RNGTT: variants seen among roughly 807,000 people sequenced by gnomAD.
The protein encoded by RNGTT is mRNA-capping enzyme.
Under a neutral mutation model 79.3 loss-of-function variants are expected in RNGTT, and 33 were observed. The ratio of observed to expected loss-of-function variants is 0.42; its 90% CI spans 0.32 to 0.56. The LOEUF is 0.56. Among genes scored for constraint, RNGTT ranks in the 20% least tolerant of loss-of-function variants. The pLI is 0.17. For missense variants in RNGTT, 497 were observed against 739.1 expected, an observed-to-expected ratio of 0.67 and a Z score of 3.80; for synonymous variants, 222 against 235.9, an observed-to-expected ratio of 0.94 and a Z score of 0.54.
chr6:88,949,158 T>TAAAAAAAAAAAAAAAAAAAAAAAAA (rs1491197999), intron 1 of RNGTT, among the ~76,000 whole-genome samples: 1 of 18,008 alleles, frequency 5.6e-5, no homozygotes, highest in Non-Finnish European at 1.1e-4. Context: ...TAAAATAAAA[T>TAAAAAAAAAAAAAAAAAAAAAAAAA]GAAAAAAAAA....
intron 13 of RNGTT, among the ~76,000 whole-genome samples, chr6:88,748,399 G>T (rs916632414): frequency 6.6e-6 from 1 of 151,966 alleles, no homozygotes. Flanking sequence ...TCCATCTGGT[G>T]CTTCTCCCTC....
chr6:88,617,020 C>T (rs182523355), intron 14 of RNGTT, among the ~76,000 whole-genome samples: 9 of 152,342 alleles, frequency 5.9e-5, no homozygotes, highest in Non-Finnish European at 1.3e-4. Context: ...CGCCTGTAAT[C>T]CCAGCACTTT....
intron 14 of RNGTT, among the ~76,000 whole-genome samples, chr6:88,646,271 T>C (rs1174146345): frequency 1.1e-4 from 17 of 152,120 alleles, no homozygotes; most frequent in Admixed American, 1.1e-3. Context: ...ATCAGAGAAA[T>C]GCAAATCAAA....
At chr6:88,695,050 A>C (rs1435784985) in intron 13 of RNGTT, among the ~76,000 whole-genome samples, 1 of 152,220 alleles carries the variant, frequency 6.6e-6, no homozygotes, top group Non-Finnish European at 1.5e-5. Context: ...GTAAGATCTG[A>C]AACTGTAAAA....
At chr6:88,827,042 T>C (rs1212552331) in intron 11 of RNGTT, among the ~76,000 whole-genome samples, 1 of 151,840 alleles carries the variant, frequency 6.6e-6, no homozygotes, top group African/African-American at 2.4e-5. Flanking sequence ...AATGCCAAAG[T>C]AGTGGCTCAC....
chr6:88,683,249 C>A (rs1296547758), intron 13 of RNGTT, among the ~76,000 whole-genome samples: 2 of 151,944 alleles, frequency 1.3e-5, no homozygotes, highest in South Asian at 2.1e-4. Flanking sequence ...AGAAAACACA[C>A]AAATAATCAG....
chr6:88,718,498 C>T (rs955305466), intron 13 of RNGTT, among the ~76,000 whole-genome samples: 4 of 151,006 alleles, frequency 2.6e-5, no homozygotes, highest in African/African-American at 9.7e-5. Flanking sequence ...TGGGGGCTGA[C>T]AAAAATTAAA....
chr6:88,883,235 T>TATA (rs1562300791), intron 8 of RNGTT, among the ~76,000 whole-genome samples: 2 of 147,824 alleles, frequency 1.4e-5, no homozygotes, highest in African/African-American at 5.0e-5. Context: ...GCATGCACTA[T>TATA]ATAAAACAGT....
At chr6:88,713,640 T>C (rs1776395879) in intron 13 of RNGTT, among the ~76,000 whole-genome samples, 1 of 152,226 alleles carries the variant, frequency 6.6e-6, no homozygotes, top group South Asian at 2.1e-4. Flanking sequence ...TATATTTATG[T>C]TTGTTATATA....
chr6:88,870,766 C>T (rs973142889), intron 8 of RNGTT, among the ~76,000 whole-genome samples: 2 of 152,074 alleles, frequency 1.3e-5, no homozygotes, highest in African/African-American at 4.8e-5. Context: ...TTCAGTAATG[C>T]TGTATATATG....
At chr6:88,625,679 C>A (rs564401367) in intron 14 of RNGTT, among the ~76,000 whole-genome samples, 2 of 151,548 alleles carry the variant, frequency 1.3e-5, no homozygotes, top group Non-Finnish European at 3.0e-5. Flanking sequence ...GGCTCTATGC[C>A]TATATGCACT....
intron 12 of RNGTT, among the ~76,000 whole-genome samples, chr6:88,780,664 C>T (rs907541487): frequency 2.6e-5 from 4 of 151,602 alleles, no homozygotes; most frequent in Admixed American, 6.6e-5. Flanking sequence ...TAGGTGTAAA[C>T]GTAATTACCA....
At position 88,955,047 on chromosome 6, in the gene RNGTT, G is replaced by C. The variant is rs1785381310; in HGVS notation, c.64+8299C>G. Among the ~76,000 whole-genome samples, 4 of 151,920 alleles carry C rather than the reference G, an allele frequency of 2.6e-5. No individual in the cohort carries two copies. In the South Asian group the frequency reaches 8.3e-4, roughly 32 times the overall value. On this transcript the variant is annotated intron_variant, in intron 1 of 15. Coordinates refer to ENST00000369485, the MANE Select transcript of RNGTT (RefSeq NM_003800.5). The stretch of plus-strand genomic sequence containing the variant: ...CATTCCAGCCTGGGTGACAGAGCAA[G>C]ACTCCATCTCAGAAAAAATAAATAA...
chr6:88,627,915 GT>G (rs754877547), intron 14 of RNGTT, among the ~76,000 whole-genome samples: 3 of 152,118 alleles, frequency 2.0e-5, no homozygotes, highest in Non-Finnish European at 4.4e-5. Flanking sequence ...CTGACCAACT[GT>G]AACTTGCAGC....
chr6:88,867,156 A>C (rs1251240671), intron 8 of RNGTT, among the ~76,000 whole-genome samples: 4 of 152,170 alleles, frequency 2.6e-5, no homozygotes, highest in Non-Finnish European at 5.9e-5. Context: ...AATAACCTCA[A>C]GCCACCCTTA....
At chr6:88,940,877 T>C (rs998949684) in intron 2 of RNGTT, among the ~76,000 whole-genome samples, 194 bp downstream of exon 2, 3 of 152,196 alleles carry the variant, frequency 2.0e-5, no homozygotes, top group African/African-American at 7.2e-5. Context: ...TGTGATATTG[T>C]ACTACAATTA....
intron 1 of RNGTT, among the ~76,000 whole-genome samples, chr6:88,946,752 C>T (rs1187616949): frequency 6.7e-6 from 1 of 150,066 alleles, no homozygotes; most frequent in Non-Finnish European, 1.5e-5. Flanking sequence ...TGCAACCTCC[C>T]TGCCTGATTC....
chr6:88,933,172 T>C (rs1035345459), intron 2 of RNGTT, among the ~76,000 whole-genome samples: 3 of 152,248 alleles, frequency 2.0e-5, no homozygotes, highest in Non-Finnish European at 4.4e-5. Context: ...GTATATGTGA[T>C]ATTTTATTAC....
rs1782719190 is a variant in RNGTT, at chr6:88,882,423, G to T, written c.896+8072C>A. On this transcript the variant is annotated intron_variant, in intron 8 of 15. Transcript: ENST00000369485. Reference sequence around the variant, plus strand: ...CACACTGCTCACTGCTGTTTCCCCAGAACCTAGCACAGTACCTGACACACA... The same window carrying T: ...CACACTGCTCACTGCTGTTTCCCCATAACCTAGCACAGTACCTGACACACA... 3.9e-5 allele frequency among the ~76,000 whole-genome samples: 6 copies of T among 152,206 alleles called. No homozygotes were observed. In the South Asian group the frequency reaches 1.2e-3, roughly 32 times the overall value.
Sources: allele counts gnomAD v4.1 joint callset (sites outside exome capture counted in the v4.1 genomes callset), GRCh38; gene constraint gnomAD v4.1.1; transcripts MANE v1.5; gene names NCBI Gene and HGNC (gene_info 2026-07-23, HGNC 2026-07-21).